Variants in DOCK8 observed in about 807,000 individuals in gnomAD.
The protein encoded by DOCK8 is dedicator of cytokinesis 8, also known as dedicator of cytokinesis protein 8.
In DOCK8, 141 loss-of-function variants were observed where a neutral mutation model predicts 245.6. That is an observed-to-expected ratio of 0.57 (90% CI 0.50 to 0.66). The LOEUF is 0.66. Ranked by LOEUF, DOCK8 falls within the 30% of genes least tolerant of loss-of-function variation. The pLI is 0.00. For synonymous variants in DOCK8, 1,168 were observed against 970.2 expected (o/e 1.20, Z -3.79); for missense variants, 2,965 against 2,603.4 (o/e 1.14, Z -3.02).
intron 46 of DOCK8, among the ~76,000 whole-genome samples, chr9:461,276 A>G (rs2057796608): frequency 6.6e-6 from 1 of 152,172 alleles, no homozygotes; most frequent in African/African-American, 2.4e-5. Context: ...TCAACTCTAG[A>G]AAATTACCAG....
intron 1 of DOCK8, among the ~76,000 whole-genome samples, chr9:247,596 T>C (rs770474211): frequency 5.3e-5 from 8 of 152,252 alleles, no homozygotes; most frequent in Non-Finnish European, 1.0e-4. Context: ...TGCAGTGACG[T>C]GATCTCGGCT....
chr9:383,660 A>G (rs768191071), intron 22 of DOCK8, among the ~76,000 whole-genome samples: 11 of 131,586 alleles, frequency 8.4e-5, no homozygotes, highest in Non-Finnish European at 1.4e-4. Flanking sequence ...AGATTGCACC[A>G]CTGCACTCCA....
intron 7 of DOCK8, among the ~76,000 whole-genome samples, chr9:323,730 C>A (rs1020882501): frequency 1.3e-5 from 2 of 152,184 alleles, no homozygotes; most frequent in Admixed American, 6.5e-5. Context: ...TTTTACTACT[C>A]TAGGTGCCTC....
Position 446,416 on chromosome 9 carries a change from A to G in DOCK8, c.5627A>G (p.Glu1876Gly). The G allele has an allele frequency of 6.2e-7, 1 of 1,614,194 alleles. No homozygotes were observed. Among genetic ancestry groups the G allele is most frequent in the Non-Finnish European group, 8.5e-7 (1 of 1,180,042 alleles). The stretch of plus-strand genomic sequence containing the variant: ...GTGGAGCCCTACTTTGATGAGTATG[A>G]GATGAAAGACAGGGTCACATACTTT... ...TFVEPYFDEY[E>G]MKDRVTYFEK... is the part of the protein sequence containing the mutation. Residue 1876 changes from glutamate (E) to glycine (G), a missense_variant, in exon 44 of 48, where the codon GAG becomes GGG. By Grantham distance (98) the Glu-to-Gly change is moderately conservative (BLOSUM62 -2). Transcript: ENST00000432829.
intron 1 of DOCK8, among the ~76,000 whole-genome samples, chr9:229,753 G>T (rs1365503499): frequency 2.6e-5 from 4 of 152,046 alleles, no homozygotes; most frequent in Non-Finnish European, 5.9e-5. Context: ...TGAAAGATAG[G>T]TGCTGTGGGC....
At chr9:437,356 GA>G (rs1273306076) in intron 39 of DOCK8, among the ~76,000 whole-genome samples, 17 of 152,182 alleles carry the variant, frequency 1.1e-4, no homozygotes, top group Admixed American at 5.9e-4. Context: ...TCAAGTCTAG[GA>G]GAGAAGAGAG....
At chr9:461,362 TC>T (rs1488500658) in intron 46 of DOCK8, among the ~76,000 whole-genome samples, 1 of 152,116 alleles carries the variant, frequency 6.6e-6, no homozygotes, top group Non-Finnish European at 1.5e-5. Context: ...GGTTGGATCT[TC>T]CTTATATCTC....
At chr9:379,503 G>C (rs2053651734) in intron 20 of DOCK8, among the ~76,000 whole-genome samples, 1 of 152,108 alleles carries the variant, frequency 6.6e-6, no homozygotes, top group Non-Finnish European at 1.5e-5. Flanking sequence ...CTTAGAGAAG[G>C]AGGACGTCTG....
At chr9:426,339 G>A (rs907626893) in intron 33 of DOCK8, among the ~76,000 whole-genome samples, 6 of 152,112 alleles carry the variant, frequency 3.9e-5, no homozygotes, top group African/African-American at 9.7e-5. Context: ...AAGACCCCAC[G>A]CACTTGGCTG....
intron 36 of DOCK8, 109 bp downstream of exon 36, chr9:429,963 T>C (rs1315363064): frequency 7.4e-7 from 1 of 1,355,564 alleles, no homozygotes; most frequent in African/African-American, 1.5e-5. Context: ...AGTTTACTTC[T>C]GTCCTGTGAG....
rs1178134099 is a variant in DOCK8 at position 225,731 on chromosome 9, A to G, written c.53+10702A>G. On this transcript the variant is annotated intron_variant, in intron 1 of 47. Coordinates refer to ENST00000432829, the MANE Select transcript of DOCK8 (RefSeq NM_203447.4). ...TAAACCACTAAATAAACAAGGAAAC[A>G]TCAGATAAAATAAGTGTGATACAGA... 2.6e-5 allele frequency among the ~76,000 whole-genome samples: 4 copies of G among 152,296 alleles called. No individual in the cohort carries two copies. In the East Asian group the frequency reaches 5.8e-4, roughly 22 times the overall value.
chr9:235,188 A>G (rs922172136), intron 1 of DOCK8, among the ~76,000 whole-genome samples: 4 of 152,346 alleles, frequency 2.6e-5, no homozygotes, highest in African/African-American at 9.6e-5. Context: ...CCTGGGTATC[A>G]GCAGCGGTGG....
chr9:382,794 C>G, intron 22 of DOCK8, 109 bp downstream of exon 22: 1 of 1,422,800 alleles, frequency 7.0e-7, no homozygotes, highest in Non-Finnish European at 9.6e-7. Context: ...CCATGCTGGT[C>G]GGATGCTTTA....
intron 1 of DOCK8, among the ~76,000 whole-genome samples, chr9:267,610 C>T (rs57963885): frequency 0.033 from 4,995 of 152,248 alleles, 257 homozygotes; most frequent in African/African-American, 0.11. Context: ...ATTTCTGATC[C>T]TTGTAGTATA....
chr9:420,731 G>C (rs2056241719), intron 31 of DOCK8, 148 bp downstream of exon 31: 2 of 1,247,002 alleles, frequency 1.6e-6, no homozygotes, highest in African/African-American at 3.0e-5. Context: ...TGTAGGTATA[G>C]ATATGATCAT....
At chr9:441,761 C>G in intron 41 of DOCK8, 114 bp from the exon 42 acceptor site, 1 of 1,335,330 alleles carries the variant, frequency 7.5e-7, no homozygotes, top group Admixed American at 2.0e-5. Context: ...CTGTTTACAT[C>G]AGCCATAGGA....
chr9:356,215 T>C (rs2052435811), intron 14 of DOCK8, among the ~76,000 whole-genome samples: 1 of 152,038 alleles, frequency 6.6e-6, no homozygotes, highest in Admixed American at 6.6e-5. Context: ...GTCTTGTCAA[T>C]CTTAAGAAAA....
chr9:388,253 C>T (rs1247937907), intron 23 of DOCK8, among the ~76,000 whole-genome samples: 1 of 152,198 alleles, frequency 6.6e-6, no homozygotes, highest in Non-Finnish European at 1.5e-5. Context: ...CCACGCCTCT[C>T]TCAAGTGAGA....
At chr9:340,607 C>G (rs889871547) in intron 14 of DOCK8, 3 of 268,952 alleles carry the variant, frequency 1.1e-5, no homozygotes, top group Admixed American at 5.0e-5. Context: ...GGAGACAGAA[C>G]CAGACTCTGT....
Sources: allele counts gnomAD v4.1 joint callset (sites outside exome capture counted in the v4.1 genomes callset), GRCh38; gene constraint gnomAD v4.1.1; transcripts MANE v1.5; gene names NCBI Gene and HGNC (gene_info 2026-07-23, HGNC 2026-07-21).